Variants in MED13L observed in about 807,000 individuals in gnomAD.
The protein encoded by MED13L is mediator of RNA polymerase II transcription subunit 13-like.
Under a neutral mutation model 220.9 loss-of-function variants are expected in MED13L, and 7 were observed. That is an observed-to-expected ratio of 0.03 (90% CI 0.02 to 0.06). The LOEUF (loss-of-function observed/expected upper bound fraction) is 0.06, where lower values mean the gene tolerates loss of function less well. Ranked by LOEUF, MED13L falls within the 10% of genes least tolerant of loss-of-function variation. MED13L has a pLI of 1.00. For synonymous variants in MED13L, 1,011 were observed against 1,015.2 expected, an observed-to-expected ratio of 1.00 and a Z score of 0.08; for missense variants, 1,965 against 2,760.5, an observed-to-expected ratio of 0.71 and a Z score of 6.46.
chr12:116,040,764 C>T lies in MED13L; in HGVS notation c.480-18163G>A, dbSNP rs866108816. Among the ~76,000 whole-genome samples, 32 of 151,100 alleles carry T rather than the reference C, an allele frequency of 2.1e-4. No homozygotes were observed. In the Middle Eastern group the frequency reaches 0.01, roughly 49 times the overall value. On this transcript the variant is annotated intron_variant, in intron 4 of 30. Coordinates refer to ENST00000281928, the MANE Select transcript of MED13L (RefSeq NM_015335.5). ...CAGCATATAGAGTTGGCTTAAAATT[C>T]CACTATAGCTTGTATATGTTTAGGA...
At chr12:115,969,218 C>G in intron 27 of MED13L, 121 bp from the exon 28 acceptor site, 1 of 1,078,530 alleles carries the variant, frequency 9.3e-7, no homozygotes, top group South Asian at 1.4e-5. Context: ...TGGACACACA[C>G]TGTTAATAAC....
intron 2 of MED13L, among the ~76,000 whole-genome samples, chr12:116,166,303 T>C (rs1879266833): frequency 1.3e-5 from 2 of 152,154 alleles, no homozygotes; most frequent in South Asian, 4.1e-4. Flanking sequence ...TTTGAGTCAG[T>C]GGGCTGGGGA....
At chr12:116,258,996 T>C (rs1872288026) in intron 1 of MED13L, among the ~76,000 whole-genome samples, 1 of 151,646 alleles carries the variant, frequency 6.6e-6, no homozygotes, top group Admixed American at 6.6e-5. Context: ...AAATAGGCAT[T>C]ATATATTGTC....
In MED13L at chr12:116,121,303, C is replaced by T. The variant is rs143922761; in HGVS notation, c.311-9791G>A. On this transcript the variant is annotated intron_variant, in intron 2 of 30. Coordinates refer to ENST00000281928, the MANE Select transcript of MED13L (RefSeq NM_015335.5). ...ATCCCCATCAATTGCAATATAACTT[C>T]TTTCAACTTCACCAAACATGACTCC... 2.8e-4 allele frequency among the ~76,000 whole-genome samples: 43 copies of T among 152,238 alleles called. 1 individual carries two copies. The East Asian group carries it at 7.7e-3, about 27-fold the overall frequency.
chr12:116,123,989 T>C (rs1287869976), intron 2 of MED13L, among the ~76,000 whole-genome samples: 1 of 152,198 alleles, frequency 6.6e-6, no homozygotes, highest in Non-Finnish European at 1.5e-5. Context: ...AAAACTGTAA[T>C]CACCTTTGAT....
intron 2 of MED13L, among the ~76,000 whole-genome samples, chr12:116,181,468 C>T (rs1208583779): frequency 6.6e-6 from 1 of 152,122 alleles, no homozygotes; most frequent in Non-Finnish European, 1.5e-5. Context: ...ACACTCTTTA[C>T]TATCATCTCA....
At chr12:116,120,676 C>G (rs1875015922) in intron 2 of MED13L, among the ~76,000 whole-genome samples, 1 of 151,668 alleles carries the variant, frequency 6.6e-6, no homozygotes, top group Non-Finnish European at 1.5e-5. Flanking sequence ...ATGAAACCTA[C>G]AATCTCTCCA....
intron 2 of MED13L, among the ~76,000 whole-genome samples, chr12:116,213,741 TA>T (rs1882843326): frequency 6.6e-6 from 1 of 152,192 alleles, no homozygotes; most frequent in Non-Finnish European, 1.5e-5. Flanking sequence ...TACCACTTTG[TA>T]ATTCATTATC....
In MED13L at chr12:116,231,978, C is replaced by T. The variant is rs1052520545; in HGVS notation, c.310+5490G>A. 5.5e-6 allele frequency: 3 copies of T among 547,002 alleles called. No individual in the cohort carries two copies. In the African/African-American group the frequency reaches 6.1e-5, roughly 11 times the overall value. The allele number at this position is 547,002 out of a possible 1,614,324, so 33.9% of individuals were successfully genotyped here. ...ATACAGATTACAAAACTAAAAAAAT[C>T]CAGCCTTCCCACACTCCTACAAAAT... On this transcript the variant is annotated intron_variant, in intron 2 of 30. Transcript: ENST00000281928.
chr12:116,031,735 GAAAAGAAAAGA>G lies in MED13L; in HGVS notation c.480-9145_480-9135del, dbSNP rs1305904043. On this transcript the variant is annotated intron_variant, in intron 4 of 30. Coordinates refer to ENST00000281928, the MANE Select transcript of MED13L (RefSeq NM_015335.5). ...GAAAAGAAAAGAAAAGAAAAGAAAA[GAAAAGAAAAGA>G]AAAGAAAAGAAAAGAAGGAAGGAAG... 9.4e-3 allele frequency among the ~76,000 whole-genome samples: 602 copies of G among 63,998 alleles called. 20 individuals carry two copies. The highest frequency in any genetic ancestry group is 0.014 in the Admixed American group (64 of 4,674). The allele number at this position is 63,998 out of a possible 152,430, so 42.0% of individuals were successfully genotyped here.
Position 116,096,741 on chromosome 12 carries a change from T to C in MED13L, c.407A>G (p.Asp136Gly). The C allele has an allele frequency of 6.2e-7, 1 of 1,613,562 alleles. No homozygotes were observed. Among genetic ancestry groups the C allele is most frequent in the Non-Finnish European group, 8.5e-7 (1 of 1,179,578 alleles). Residue 136 changes from aspartate (D) to glycine (G), a missense_variant, in exon 4 of 31, where the codon GAT becomes GGT. By Grantham distance (94) the Asp-to-Gly change is moderately conservative. Coordinates refer to ENST00000281928, the MANE Select transcript of MED13L (RefSeq NM_015335.5). ...IHNLLERCLM[D>G]KNFVRIGKWF... is the part of the protein sequence containing the mutation. Reference sequence around the variant, plus strand: ...TTTCCCAATCCTAACGAAGTTCTTATCCATTAGGCACCTAAAATAATTACA... The same window carrying C: ...TTTCCCAATCCTAACGAAGTTCTTACCCATTAGGCACCTAAAATAATTACA...
At chr12:116,042,938 G>T (rs1881624190) in intron 4 of MED13L, among the ~76,000 whole-genome samples, 1 of 152,126 alleles carries the variant, frequency 6.6e-6, no homozygotes, top group Non-Finnish European at 1.5e-5. Flanking sequence ...TTCTTTCAAG[G>T]ATAAAGGGCT....
chr12:116,238,169 G>A (rs1462391175), intron 1 of MED13L, among the ~76,000 whole-genome samples: 1 of 152,116 alleles, frequency 6.6e-6, no homozygotes, highest in African/African-American at 2.4e-5. Flanking sequence ...TAGGGAAGCA[G>A]TTAGCATGAA....
intron 17 of MED13L, among the ~76,000 whole-genome samples, chr12:115,990,403 C>T (rs566717613): frequency 1.3e-5 from 2 of 152,178 alleles, no homozygotes; most frequent in Non-Finnish European, 2.9e-5. Context: ...TTGTTTCTTT[C>T]AGTAACCATT....
At chr12:116,249,692 G>T (rs1300488825) in intron 1 of MED13L, among the ~76,000 whole-genome samples, 2 of 34,134 alleles carry the variant, frequency 5.9e-5, no homozygotes, top group Non-Finnish European at 1.1e-4. Flanking sequence ...AATATAAAAT[G>T]AAAAATTCGC....
At chr12:116,219,689 T>C (rs1883197295) in intron 2 of MED13L, among the ~76,000 whole-genome samples, 1 of 152,218 alleles carries the variant, frequency 6.6e-6, no homozygotes, top group Admixed American at 6.5e-5. Flanking sequence ...GAGTAAAATG[T>C]CAAAATTGAA....
rs1291393581 is a variant in MED13L at position 116,005,965 on chromosome 12, T to C, written c.2373A>G (p.Arg791=). The C allele has an allele frequency of 2.5e-6, 4 of 1,613,852 alleles. No individual in the cohort carries two copies. Among genetic ancestry groups the C allele is most frequent in the Non-Finnish European group, 3.4e-6 (4 of 1,179,880 alleles). ...CCTGTGTAAGGCTACTGGAGCCAGC[T>C]CTGCCAGCAGCATTATCCTGCCGGA... ...TDVRQDNAAG[R]AGSSSLTQVT... Residue 791 remains arginine (R), a synonymous_variant, in exon 13 of 31, where the codon AGA becomes AGG. Coordinates refer to ENST00000281928, the MANE Select transcript of MED13L (RefSeq NM_015335.5).
chr12:116,193,942 A>G (rs1259831259), intron 2 of MED13L, among the ~76,000 whole-genome samples: 1 of 152,222 alleles, frequency 6.6e-6, no homozygotes, highest in Non-Finnish European at 1.5e-5. Context: ...GCAAAAAGAC[A>G]TTAACAAAGT....
chr12:116,179,593 G>A (rs1330652371), intron 2 of MED13L, among the ~76,000 whole-genome samples: 2 of 151,974 alleles, frequency 1.3e-5, no homozygotes, highest in Admixed American at 6.6e-5. Context: ...CAGCCTGGGC[G>A]ACATTCAAGA....
Sources: gnomAD v4.1 joint callset for allele counts (sites outside exome capture counted in the v4.1 genomes callset) on GRCh38, gnomAD v4.1.1 for gene constraint, MANE v1.5 for transcripts, NCBI Gene and HGNC (gene_info 2026-07-23, HGNC 2026-07-21) for gene names.